The following ARHGEF12 variants were observed in gnomAD, a reference collection of about 807,000 sequenced individuals.
The protein encoded by ARHGEF12 is KMT2A/ARHGEF12 fusion protein.
A neutral mutation model predicts 211.2 loss-of-function variants in ARHGEF12; 66 were observed. The ratio of observed to expected loss-of-function variants is 0.31; its 90% confidence interval spans 0.26 to 0.38. The LOEUF is 0.38. Among genes scored for constraint, ARHGEF12 ranks in the 10% least tolerant of loss-of-function variants. The pLI is 1.00. For synonymous variants in ARHGEF12, 592 were observed against 638.4 expected, an observed-to-expected ratio of 0.93 and a Z score of 1.09; for missense variants, 1,429 against 1,869.5, an observed-to-expected ratio of 0.76 and a Z score of 4.34.
At chr11:120,443,036 T>TTG (rs1318088197) in intron 15 of ARHGEF12, among the ~76,000 whole-genome samples, 3 of 151,024 alleles carry the variant, frequency 2.0e-5, no homozygotes, top group Non-Finnish European at 4.4e-5. Context: ...TTTTTTTTTT[T>TTG]TTTGAGACAG....
intron 39 of ARHGEF12, among the ~76,000 whole-genome samples, chr11:120,482,864 G>C (rs1475584606): frequency 1.3e-5 from 2 of 152,082 alleles, no homozygotes; most frequent in Non-Finnish European, 2.9e-5. Flanking sequence ...TAGCCTTTGA[G>C]TTAAAGACTG....
At chr11:120,409,334 T>C (rs1944813045) in intron 3 of ARHGEF12, 60 bp from the exon 4 acceptor site, 5 of 1,543,992 alleles carry the variant, frequency 3.2e-6, no homozygotes, top group African/African-American at 1.4e-5. Flanking sequence ...CATGAATTTT[T>C]CCCCTTACAT....
At chr11:120,341,543 C>G (rs1051402349) in intron 1 of ARHGEF12, among the ~76,000 whole-genome samples, 48 of 152,326 alleles carry the variant, frequency 3.2e-4, no homozygotes, top group African/African-American at 1.0e-3. Context: ...GTTGCCTCTT[C>G]TAAATGTCAT....
intron 1 of ARHGEF12, among the ~76,000 whole-genome samples, chr11:120,400,089 C>G (rs1944513672): frequency 1.3e-5 from 2 of 152,064 alleles, no homozygotes; most frequent in African/African-American, 4.8e-5. Context: ...GCAGCCTGTC[C>G]TAACAAATTT....
Position 120,489,410 on chromosome 11 carries a change from G to A in ARHGEF12, c.*4333G>A, listed in dbSNP as rs1388689916. 1 of 223,934 alleles carries A rather than the reference G, an allele frequency of 4.5e-6. No individual in the cohort carries two copies. The highest frequency in any genetic ancestry group is 8.9e-6 in the Non-Finnish European group (1 of 112,356). The allele number at this position is 223,934 out of a possible 1,614,324, so 13.9% of individuals were successfully genotyped here. On this transcript the variant is annotated 3_prime_UTR_variant, in exon 41 of 41. Coordinates refer to ENST00000397843, the MANE Select transcript of ARHGEF12 (RefSeq NM_015313.3). ...TTAAGTATAAAGTTCAGTGAGGTAGGCCAGCTTTTATGACGCACCTGAAGA... is the reference window on the plus strand; with the variant it reads ...TTAAGTATAAAGTTCAGTGAGGTAGACCAGCTTTTATGACGCACCTGAAGA...
At chr11:120,473,932 A>C (rs1267566193) in intron 31 of ARHGEF12, among the ~76,000 whole-genome samples, 1 of 152,134 alleles carries the variant, frequency 6.6e-6, no homozygotes, top group African/African-American at 2.4e-5. Flanking sequence ...GTTTTGGCAG[A>C]TTTATTTGGT....
chr11:120,447,955 A>G (rs1239232127), intron 19 of ARHGEF12, 49 bp downstream of exon 19: 8 of 1,394,208 alleles, frequency 5.7e-6, no homozygotes, highest in Non-Finnish European at 6.9e-6. Context: ...AAAAAGAACT[A>G]TGTTTTTTTC....
intron 34 of ARHGEF12, chr11:120,476,963 T>C (rs1947049954): frequency 1.7e-6 from 1 of 589,602 alleles, no homozygotes; most frequent in Non-Finnish European, 2.9e-6. Flanking sequence ...GAAAAAATTG[T>C]GCAAAATGTC....
chr11:120,336,742 GA>G lies in ARHGEF12; in HGVS notation c.-501del, dbSNP rs1565408885. On this transcript the variant is annotated 5_prime_UTR_variant, in exon 1 of 41. The change abolishes the stop of an existing upstream ORF in the 5' untranslated region. Transcript: ENST00000397843. ...ATGGAATCGCGCGAGCCCGGCGCGG[GA>G]CGGCCGGAGACGCGGCCAACGCTGC... 6.6e-6 allele frequency among the ~76,000 whole-genome samples: 1 copy of G among 152,186 alleles called. No homozygotes were observed. Among genetic ancestry groups the G allele is most frequent in the African/African-American group, 2.4e-5 (1 of 41,454 alleles).
chr11:120,361,628 A>G (rs982764749), intron 1 of ARHGEF12, among the ~76,000 whole-genome samples: 1 of 152,150 alleles, frequency 6.6e-6, no homozygotes, highest in Non-Finnish European at 1.5e-5. Context: ...ATCTTTTACA[A>G]TTTTCGAAAT....
chr11:120,465,121 T>A, intron 27 of ARHGEF12, 116 bp from the exon 28 acceptor site: 1 of 1,311,160 alleles, frequency 7.6e-7, no homozygotes, highest in Admixed American at 1.9e-5. Flanking sequence ...AGATATGCAG[T>A]TCTGTGTATT....
intron 4 of ARHGEF12, among the ~76,000 whole-genome samples, chr11:120,419,221 A>T (rs943651656): frequency 6.6e-6 from 1 of 150,928 alleles, no homozygotes; most frequent in African/African-American, 2.5e-5. Flanking sequence ...CGGCCTCCCA[A>T]AGTGCTGCGA....
intron 22 of ARHGEF12, among the ~76,000 whole-genome samples, chr11:120,456,223 A>G (rs1405285282): frequency 6.6e-6 from 1 of 152,240 alleles, no homozygotes; most frequent in African/African-American, 2.4e-5. Flanking sequence ...TAATGATGCA[A>G]GTAAAAATGT....
At chr11:120,365,477 T>C (rs1171736007) in intron 1 of ARHGEF12, among the ~76,000 whole-genome samples, 1 of 152,184 alleles carries the variant, frequency 6.6e-6, no homozygotes, top group East Asian at 1.9e-4. Context: ...CTCCCAAGTT[T>C]CTGGGTGTTT....
intron 15 of ARHGEF12, among the ~76,000 whole-genome samples, chr11:120,442,455 C>G (rs200913803): frequency 1.5e-5 from 2 of 129,856 alleles, no homozygotes; most frequent in Non-Finnish European, 3.3e-5. Flanking sequence ...CACACACACA[C>G]ATATATATAC....
At chr11:120,427,857 G>A (rs1945393738) in intron 7 of ARHGEF12, among the ~76,000 whole-genome samples, 1 of 151,932 alleles carries the variant, frequency 6.6e-6, no homozygotes, top group Non-Finnish European at 1.5e-5. Flanking sequence ...TCTGAAAACG[G>A]CATCATTCTT....
intron 28 of ARHGEF12, among the ~76,000 whole-genome samples, chr11:120,466,044 A>G (rs993129365): frequency 3.4e-4 from 52 of 152,244 alleles, no homozygotes; most frequent in African/African-American, 1.2e-3. Context: ...CCGACAGACC[A>G]TATCTAGTCT....
At chr11:120,481,790 C>T (rs564230592) in intron 39 of ARHGEF12, among the ~76,000 whole-genome samples, 12 of 143,730 alleles carry the variant, frequency 8.3e-5, no homozygotes, top group East Asian at 6.2e-4. Context: ...GACGGAGTCT[C>T]GCTCTGTCAA....
chr11:120,437,135 A>C (rs1349871316), intron 11 of ARHGEF12, among the ~76,000 whole-genome samples, 173 bp from the exon 12 acceptor site: 1 of 152,228 alleles, frequency 6.6e-6, no homozygotes, highest in Non-Finnish European at 1.5e-5. Context: ...TGAGAGAATA[A>C]GTGACTTGCC....
Sources: allele counts gnomAD v4.1 joint callset (sites outside exome capture counted in the v4.1 genomes callset), GRCh38; gene constraint gnomAD v4.1.1; transcripts MANE v1.5; gene names NCBI Gene and HGNC (gene_info 2026-07-23, HGNC 2026-07-21).